CYB5R3: variants seen among roughly 807,000 people sequenced by gnomAD.
The protein encoded by CYB5R3 is cytochrome b5 reductase 3, also known as NADH-cytochrome b5 reductase 3.
A neutral mutation model predicts 36.5 loss-of-function variants in CYB5R3; 28 were observed. The observed-to-expected ratio is 0.77, with a 90% CI of 0.57 to 1.05. CYB5R3 has a LOEUF of 1.05. CYB5R3 is among the 50% of genes least tolerant of loss of function. The probability of loss-of-function intolerance (pLI) is 0.00; values close to 1 mark genes in which losing one functional copy is unlikely to be tolerated. For missense variants in CYB5R3, 474 were observed against 408.9 expected, an observed-to-expected ratio of 1.16 and a Z score of -1.37; for synonymous variants, 181 against 159.8, an observed-to-expected ratio of 1.13 and a Z score of -1.00.
At chr22:42,626,677 A>G (rs1928286277) in intron 7 of CYB5R3, among the ~76,000 whole-genome samples, 2 of 152,228 alleles carry the variant, frequency 1.3e-5, no homozygotes, top group South Asian at 4.1e-4. Context: ...ACCTCAGGCA[A>G]GCATCTTCTC....
chr22:42,628,330 G>T (rs748689694), intron 4 of CYB5R3, 49 bp from the exon 5 acceptor site: 3 of 1,609,486 alleles, frequency 1.9e-6, no homozygotes, highest in South Asian at 2.2e-5. Flanking sequence ...GGTCTCAGGG[G>T]CGAGCTCTTG....
At chr22:42,643,114 C>T (rs1293897183) in intron 1 of CYB5R3, among the ~76,000 whole-genome samples, 3 of 152,202 alleles carry the variant, frequency 2.0e-5, no homozygotes, top group South Asian at 4.1e-4. Flanking sequence ...ATGCTCCTAA[C>T]CTCTCAAGGC....
intron 2 of CYB5R3, chr22:42,631,671 C>T (rs906464466): frequency 3.3e-6 from 2 of 603,852 alleles, no homozygotes; most frequent in South Asian, 1.9e-5. Context: ...GTGTGTCTGT[C>T]CTGCTGGCCT....
At position 42,618,011 on chromosome 22, in the gene CYB5R3, C is replaced by T. The variant is rs371671407; in HGVS notation, c.*1762G>A. On this transcript the variant is annotated 3_prime_UTR_variant, in exon 9 of 9. Transcript: ENST00000352397. ...TGCTGCCCCGTTTTAAGAACAGCCC[C>T]ACACCCACCTTGCCTCATCACCTCT... The T allele has an allele frequency of 1.8e-4, 27 of 152,522 alleles. No homozygotes were observed. The East Asian group carries it at 4.2e-3, about 24-fold the overall frequency. 9.4% of individuals were successfully genotyped at this position (152,522 alleles called of 1,614,324 possible). A position where few individuals can be genotyped will look rare whatever the true frequency, so the allele number is the denominator to read the frequency against.
chr22:42,637,120 CAA>C, intron 1 of CYB5R3, among the ~76,000 whole-genome samples: 1 of 152,282 alleles, frequency 6.6e-6, no homozygotes, highest in Middle Eastern at 3.4e-3. Flanking sequence ...GAGCCAGGAC[CAA>C]AAAGAGCTGT....
chr22:42,623,924 G>A (rs770312813), intron 7 of CYB5R3, 36 bp from the exon 8 acceptor site: 1 of 1,561,518 alleles, frequency 6.4e-7, no homozygotes, highest in African/African-American at 1.4e-5. Context: ...AGGAAGGATG[G>A]GTGGCAGACT....
In CYB5R3 at chr22:42,621,036, C is replaced by T. The variant is rs187455345; in HGVS notation, c.734-1091G>A. Among the ~76,000 whole-genome samples the T allele has an allele frequency of 7.2e-5, 11 of 152,276 alleles. No individual in the cohort carries two copies. In the East Asian group the frequency reaches 1.3e-3, roughly 19 times the overall value. ...CTCCTAAAATCCCTCTGGAACAAGG[C>T]GAGGCACAGAAAATAGTTTTATAGC... On this transcript the variant is annotated intron_variant, in intron 8 of 8. Coordinates refer to ENST00000352397, the MANE Select transcript of CYB5R3 (RefSeq NM_000398.7).
At chr22:42,641,213 T>G in intron 1 of CYB5R3, among the ~76,000 whole-genome samples, 1 of 152,332 alleles carries the variant, frequency 6.6e-6, no homozygotes, top group East Asian at 1.9e-4. Context: ...AAATATAGTA[T>G]ATAATACATA....
Position 42,619,860 on chromosome 22 carries a change from C to T in CYB5R3, c.819G>A (p.Met273Ile), listed in dbSNP as rs1213698461. ...PPPEEEPLVLMCGPPPMIQYA... is the reference protein window; with the variant it reads ...PPPEEEPLVLICGPPPMIQYA... The stretch of plus-strand genomic sequence containing the variant: ...ACTGGATCATGGGTGGGGGGCCACA[C>T]ATCAGCACCAGCGGCTCCTCCTCTG... Residue 273 changes from methionine (M) to isoleucine (I), a missense_variant, in exon 9 of 9, where the codon ATG (methionine) becomes ATA (isoleucine). Transcript: ENST00000352397. The T allele has an allele frequency of 6.2e-7, 1 of 1,607,066 alleles. No homozygotes were observed. Among genetic ancestry groups the T allele is most frequent in the South Asian group, 1.1e-5 (1 of 89,702 alleles).
chr22:42,619,790 G>A lies in CYB5R3; in HGVS notation c.889C>T (p.Arg297Cys), dbSNP rs1407357847. ...CCCGGCCCTCAGAAGACGAAGCAGC[G>A]CTCCGTGGGGTGGCCCACGTGGTCC... ...NLDHVGHPTE[R>C]CFVF Residue 297 changes from arginine (R) to cysteine (C), a missense_variant, in exon 9 of 9, where the codon CGC (arginine) becomes TGC (cysteine). Coordinates refer to ENST00000352397, the MANE Select transcript of CYB5R3 (RefSeq NM_000398.7). 2.5e-6 allele frequency: 4 copies of A among 1,588,834 alleles called. No homozygotes were observed. Among genetic ancestry groups the A allele is most frequent in the East Asian group, 2.3e-5 (1 of 44,048 alleles).
In CYB5R3 at chr22:42,628,298, C is replaced by T. The variant is rs1928413115; in HGVS notation, c.334-17G>A. On this transcript the variant is annotated splice_polypyrimidine_tract_variant and intron_variant, in intron 4 of 8. Transcript: ENST00000352397. ...GAAGTAAACCTGCAAGACACCCCCG[C>T]AGCCCTCAGTCCCCAGCTCCAGGTC... 2.5e-6 allele frequency: 4 copies of T among 1,613,000 alleles called. No homozygotes were observed. The South Asian group carries it at 3.3e-5, about 13-fold the overall frequency.
intron 2 of CYB5R3, among the ~76,000 whole-genome samples, chr22:42,635,302 C>G (rs553252967): frequency 6.6e-6 from 1 of 151,814 alleles, no homozygotes; most frequent in East Asian, 1.9e-4. Context: ...GACAGAGTTT[C>G]ACCGTGTTAG....
chr22:42,648,759 A>G (rs8190371), intron 1 of CYB5R3, among the ~76,000 whole-genome samples: 16,957 of 152,118 alleles, frequency 0.11, 1,161 homozygotes, highest in Middle Eastern at 0.19. Context: ...CTAAACGTGC[A>G]AAACCCTCTG....
Position 42,618,823 on chromosome 22 carries a change from CA to C in CYB5R3, c.*949del, listed in dbSNP as rs1266214263. Reference sequence around the variant, plus strand: ...GGAGCTAGAGAAGGGTTAATATTAGCAAAGTTTTACTTTTTTTTTTTCTGCT... The same window carrying C: ...GGAGCTAGAGAAGGGTTAATATTAGCAAGTTTTACTTTTTTTTTTTCTGCT... On this transcript the variant is annotated 3_prime_UTR_variant, in exon 9 of 9. Coordinates refer to ENST00000352397, the MANE Select transcript of CYB5R3 (RefSeq NM_000398.7). 4 of 151,362 alleles carry C rather than the reference CA, an allele frequency of 2.6e-5. No individual in the cohort carries two copies. The highest frequency in any genetic ancestry group is 9.7e-5 in the African/African-American group (4 of 41,250). 9.4% of individuals were successfully genotyped at this position (151,362 alleles called of 1,614,324 possible).
At chr22:42,637,133 G>A (rs112916290) in intron 1 of CYB5R3, among the ~76,000 whole-genome samples, 6 of 152,282 alleles carry the variant, frequency 3.9e-5, no homozygotes, top group African/African-American at 1.4e-4. Flanking sequence ...AAAGAGCTGT[G>A]GGTCTAAGCA....
chr22:42,636,747 T>C lies in CYB5R3; in HGVS notation c.121A>G (p.Ile41Val), dbSNP rs373496120. The C allele has an allele frequency of 6.2e-6, 10 of 1,613,484 alleles. No individual in the cohort carries two copies. The highest frequency in any genetic ancestry group is 8.5e-6 in the Non-Finnish European group (10 of 1,179,998). ...TCGATGAGCCGCAGCGGGTACTTGATGTCCGGGCTCTCGAGGGTGATGGCT... is the reference window on the plus strand; with the variant it reads ...TCGATGAGCCGCAGCGGGTACTTGACGTCCGGGCTCTCGAGGGTGATGGCT... ...TPAITLESPD[I>V]KYPLRLIDRE... The change falls in exon 2 of 9, where the codon ATC becomes GTC. Residue 41 changes from isoleucine to valine, a missense_variant. By Grantham distance (29) the Ile-to-Val change is conservative. Coordinates refer to ENST00000352397, the MANE Select transcript of CYB5R3 (RefSeq NM_000398.7).
chr22:42,627,739 TGGCTGGAGA>T (rs752663109), intron 5 of CYB5R3, 51 bp from the exon 6 acceptor site: 31 of 1,396,874 alleles, frequency 2.2e-5, no homozygotes, highest in Admixed American at 2.0e-4. Context: ...CCATGTGTGG[TGGCTGGAGA>T]GGCTGGAGAG....
chr22:42,628,099 C>T (rs989561215), intron 5 of CYB5R3, 53 bp downstream of exon 5: 34 of 1,611,768 alleles, frequency 2.1e-5, no homozygotes, highest in East Asian at 1.3e-4. Context: ...CACGCCCAAG[C>T]TCTCCAATTC....
intron 8 of CYB5R3, 91 bp downstream of exon 8, chr22:42,623,698 G>A (rs144806326): frequency 7.9e-5 from 87 of 1,099,110 alleles, no homozygotes; most frequent in African/African-American, 6.9e-4. Flanking sequence ...GCCAGATGTC[G>A]TCCAAAGGCT....
Sources: allele counts gnomAD v4.1 joint callset (sites outside exome capture counted in the v4.1 genomes callset), GRCh38; gene constraint gnomAD v4.1.1; transcripts MANE v1.5; gene names NCBI Gene and HGNC (gene_info 2026-07-23, HGNC 2026-07-21).